Variants in DPYS observed in about 807,000 individuals in gnomAD.
DPYS encodes the protein dihydropyrimidinase.
A neutral mutation model predicts 50.3 loss-of-function variants in DPYS; 39 were observed. The ratio of observed to expected loss-of-function variants is 0.78; its 90% CI spans 0.60 to 1.01. The LOEUF (loss-of-function observed/expected upper bound fraction) is 1.01, where lower values mean the gene tolerates loss of function less well. DPYS is among the 50% of genes least tolerant of loss of function. DPYS has a pLI of 0.00. For missense variants in DPYS, 659 were observed against 680.9 expected, an observed-to-expected ratio of 0.97 and a Z score of 0.36; for synonymous variants, 245 against 250.7, an observed-to-expected ratio of 0.98 and a Z score of 0.22.
chr8:104,414,378 A>C (rs1249658230), intron 7 of DPYS, among the ~76,000 whole-genome samples: 2 of 152,194 alleles, frequency 1.3e-5, no homozygotes, highest in Admixed American at 1.3e-4. Flanking sequence ...TGCTGGAACC[A>C]ACTACAGGAG....
intron 4 of DPYS, among the ~76,000 whole-genome samples, chr8:104,435,642 A>C (rs1197334460): frequency 6.6e-6 from 1 of 152,094 alleles, no homozygotes; most frequent in African/African-American, 2.4e-5. Flanking sequence ...TGGACTTGAA[A>C]GTTTTCTTAT....
intron 4 of DPYS, 99 bp from the exon 5 acceptor site, chr8:104,429,800 G>A: frequency 6.9e-7 from 1 of 1,457,708 alleles, no homozygotes; most frequent in Non-Finnish European, 9.5e-7. Flanking sequence ...CTAGCAGAGG[G>A]TAATATCTAC....
chr8:104,404,065 C>T (rs1378300247), intron 7 of DPYS, among the ~76,000 whole-genome samples: 3 of 152,174 alleles, frequency 2.0e-5, no homozygotes, highest in African/African-American at 4.8e-5. Context: ...TATTTATGGC[C>T]TCTTTGCTCT....
chr8:104,455,297 A>T (rs1250217156), intron 1 of DPYS, among the ~76,000 whole-genome samples: 2 of 152,192 alleles, frequency 1.3e-5, no homozygotes, highest in Non-Finnish European at 2.9e-5. Context: ...GAGGAAGAAG[A>T]TCTGGGGGGA....
intron 1 of DPYS, among the ~76,000 whole-genome samples, chr8:104,455,641 G>C (rs1813897883): frequency 6.6e-6 from 1 of 152,156 alleles, no homozygotes; most frequent in African/African-American, 2.4e-5. Context: ...ATGTAGGAGT[G>C]ACCTATTAGA....
At chr8:104,456,875 T>G (rs567820228) in intron 1 of DPYS, among the ~76,000 whole-genome samples, 4 of 152,208 alleles carry the variant, frequency 2.6e-5, no homozygotes, top group Admixed American at 1.3e-4. Context: ...GAACAGAAAT[T>G]GAGATAAACT....
intron 5 of DPYS, 158 bp downstream of exon 5, chr8:104,429,387 T>C (rs1393149747): frequency 1.3e-6 from 1 of 770,514 alleles, no homozygotes; most frequent in African/African-American, 1.7e-5. Context: ...ATTAAGTCAA[T>C]GTTTTTTGCT....
chr8:104,445,694 A>G (rs747554012), intron 3 of DPYS, among the ~76,000 whole-genome samples: 2 of 152,156 alleles, frequency 1.3e-5, no homozygotes, highest in Non-Finnish European at 2.9e-5. Context: ...AACAAAAAAA[A>G]AGAAAGAATG....
intron 7 of DPYS, among the ~76,000 whole-genome samples, chr8:104,423,468 T>C (rs1000001246): frequency 6.6e-6 from 1 of 152,222 alleles, no homozygotes; most frequent in Non-Finnish European, 1.5e-5. Context: ...CAAGAAACCG[T>C]AGACTTTTTC....
chr8:104,455,812 G>A (rs1391115327), intron 1 of DPYS, among the ~76,000 whole-genome samples: 1 of 152,068 alleles, frequency 6.6e-6, no homozygotes, highest in Non-Finnish European at 1.5e-5. Context: ...GCTGGTTCTA[G>A]GTGGTATAAT....
At chr8:104,447,287 G>A (rs998641150) in intron 3 of DPYS, 37 bp downstream of exon 3, 3 of 1,612,018 alleles carry the variant, frequency 1.9e-6, no homozygotes, top group Non-Finnish European at 2.5e-6. Context: ...TATGGCTGCT[G>A]TCATTTCTGT....
chr8:104,395,228 G>A (rs1811537914), intron 7 of DPYS, among the ~76,000 whole-genome samples: 1 of 152,116 alleles, frequency 6.6e-6, no homozygotes, highest in South Asian at 2.1e-4. Flanking sequence ...CAAACTCCAA[G>A]GCTCAAGCAA....
intron 4 of DPYS, among the ~76,000 whole-genome samples, chr8:104,440,529 T>C (rs1402964785): frequency 2.6e-5 from 4 of 152,022 alleles, no homozygotes; most frequent in Admixed American, 2.6e-4. Context: ...CCTCCCAAAG[T>C]GCTGGGGTTA....
At chr8:104,447,619 A>T in intron 2 of DPYS, 116 bp from the exon 3 acceptor site, 2 of 1,251,308 alleles carry the variant, frequency 1.6e-6, no homozygotes, top group Non-Finnish European at 2.3e-6. Context: ...GAAAATAAGG[A>T]CAATAGTTTA....
intron 4 of DPYS, among the ~76,000 whole-genome samples, chr8:104,438,784 G>A (rs527403505): frequency 6.6e-6 from 1 of 152,264 alleles, no homozygotes; most frequent in East Asian, 1.9e-4. Flanking sequence ...TCTTCAGCCT[G>A]TAGAGAAGAG....
At chr8:104,399,652 G>A (rs1187157896) in intron 7 of DPYS, among the ~76,000 whole-genome samples, 1 of 151,696 alleles carries the variant, frequency 6.6e-6, no homozygotes, top group East Asian at 1.9e-4. Flanking sequence ...GGTGGATCAC[G>A]AGATCAGGAG....
intron 7 of DPYS, among the ~76,000 whole-genome samples, chr8:104,394,919 A>C (rs1463309150): frequency 6.6e-6 from 1 of 151,144 alleles, no homozygotes; most frequent in Non-Finnish European, 1.5e-5. Context: ...AGGAAAAATA[A>C]ATTGAGATTT....
At position 104,429,699 on chromosome 8, in the gene DPYS, T is replaced by G. The variant is rs749847428; in HGVS notation, c.796A>C (p.Lys266Gln). 3.7e-6 allele frequency: 6 copies of G among 1,614,016 alleles called. No individual in the cohort carries two copies. The East Asian group carries it at 1.1e-4, about 30-fold the overall frequency. Residue 266 changes from lysine to glutamine, a missense_variant and splice_region_variant, in exon 5 of 10, where the codon AAG becomes CAG. Transcript: ENST00000351513. ...GCTATGGGTTCACCATAGACCACCTTCCCTGGAAAGATTAAAAGAAGCATT... is the reference window on the plus strand; with the variant it reads ...GCTATGGGTTCACCATAGACCACCTGCCCTGGAAAGATTAAAAGAAGCATT... The part of the protein sequence containing the change: ...KVIADARRDG[K>Q]VVYGEPIAAS...
intron 8 of DPYS, among the ~76,000 whole-genome samples, chr8:104,392,372 C>A (rs993492256): frequency 6.6e-6 from 1 of 152,308 alleles, no homozygotes; most frequent in East Asian, 1.9e-4. Flanking sequence ...CTTTTCTTTA[C>A]TGGTTTCAGA....
Sources: allele counts gnomAD v4.1 joint callset (sites outside exome capture counted in the v4.1 genomes callset), GRCh38; gene constraint gnomAD v4.1.1; transcripts MANE v1.5; gene names NCBI Gene and HGNC (gene_info 2026-07-23, HGNC 2026-07-21).